The following CIBAR1 variants were observed in gnomAD, a reference collection of about 807,000 sequenced individuals.
The protein encoded by CIBAR1 is CBY1 interacting BAR domain containing 1, also known as CBY1-interacting BAR domain-containing protein 1.
CIBAR1 carries 25 observed loss-of-function variants against 44.0 expected under a neutral mutation model. The ratio of observed to expected loss-of-function variants is 0.57; its 90% CI spans 0.41 to 0.79. The LOEUF (loss-of-function observed/expected upper bound fraction) is 0.79. Among genes scored for constraint, CIBAR1 ranks in the 30% least tolerant of loss-of-function variants. CIBAR1 has a pLI of 0.00. For missense variants in CIBAR1, 278 were observed against 344.8 expected (o/e 0.81, Z 1.53); for synonymous variants, 115 against 119.0 (o/e 0.97, Z 0.22).
At position 93,704,979 on chromosome 8, in the gene CIBAR1, G is replaced by A. The variant is rs761097515; in HGVS notation, c.401G>A (p.Arg134His). ...AKQLTQLERT[R>H]QRNPSDRHVI... ...CAATTAACTCAGTTAGAAAGAACACGTCAGCGAAACCCATCTGATCGACAT... is the reference window on the plus strand; with the variant it reads ...CAATTAACTCAGTTAGAAAGAACACATCAGCGAAACCCATCTGATCGACAT... The change falls in exon 4 of 9, where the codon CGT (arginine) becomes CAT (histidine). Residue 134 changes from arginine (R) to histidine (H), a missense_variant. Around this residue, in one of 3 missense-constraint regions of CIBAR1, gnomAD observed 183 missense variants for 218.6 expected, o/e 0.84. Coordinates refer to ENST00000518322, the MANE Select transcript of CIBAR1 (RefSeq NM_145269.5). 1.4e-5 allele frequency: 22 copies of A among 1,612,884 alleles called. No homozygotes were observed. The highest frequency in any genetic ancestry group is 4.5e-5 in the East Asian group (2 of 44,828).
chr8:93,720,432 T>G (rs1811219109), intron 7 of CIBAR1, among the ~76,000 whole-genome samples: 1 of 152,214 alleles, frequency 6.6e-6, no homozygotes, highest in Non-Finnish European at 1.5e-5. Context: ...GTGTTTCTAA[T>G]GTCAAAATCT....
chr8:93,702,822 T>C (rs1399353871), intron 2 of CIBAR1, among the ~76,000 whole-genome samples: 1 of 152,152 alleles, frequency 6.6e-6, no homozygotes, highest in Non-Finnish European at 1.5e-5. Flanking sequence ...AAAAAGCCCT[T>C]TTCCTGCTAT....
intron 6 of CIBAR1, among the ~76,000 whole-genome samples, chr8:93,716,397 G>A (rs1383052409): frequency 6.6e-6 from 1 of 151,602 alleles, no homozygotes. Flanking sequence ...ATAAGTTGCA[G>A]TATTTTTAAT....
At chr8:93,726,920 A>G (rs544678703) in intron 8 of CIBAR1, among the ~76,000 whole-genome samples, 36 of 152,308 alleles carry the variant, frequency 2.4e-4, no homozygotes, top group African/African-American at 3.4e-4. Flanking sequence ...GAACACAGAA[A>G]TCATTTCATT....
In CIBAR1 at chr8:93,701,366, G is replaced by A. The variant is rs369036939; in HGVS notation, c.169G>A (p.Ala57Thr). 2 of 1,613,812 alleles carry A rather than the reference G, an allele frequency of 1.2e-6. No homozygotes were observed. The highest frequency in any genetic ancestry group is 1.7e-6 in the Non-Finnish European group (2 of 1,179,866). ...AGACCTCCTGGTGAATGAAATTAAC[G>A]CGTATGCTGCTACAGAGACCCCGCA... ...KADLLVNEIN[A>T]YAATETPHLK... is the part of the protein sequence containing the mutation. The change falls in exon 2 of 9, where the codon GCG becomes ACG. Residue 57 changes from alanine to threonine, a missense_variant. Transcript: ENST00000518322.
chr8:93,725,513 T>G (rs977070419), intron 7 of CIBAR1, among the ~76,000 whole-genome samples: 4 of 152,046 alleles, frequency 2.6e-5, no homozygotes, highest in African/African-American at 7.2e-5. Context: ...TGTAGTTTGT[T>G]GATAAATAAA....
intron 4 of CIBAR1, 165 bp downstream of exon 4, chr8:93,705,175 G>A: frequency 1.9e-6 from 1 of 535,940 alleles, no homozygotes; most frequent in Non-Finnish European, 3.3e-6. Flanking sequence ...TTTTAAAGAG[G>A]TTACGCCACC....
At chr8:93,724,634 G>A in intron 7 of CIBAR1, 2 of 1,203,436 alleles carry the variant, frequency 1.7e-6, no homozygotes, top group Non-Finnish European at 2.1e-6. Flanking sequence ...TTATAGTTTG[G>A]TCTTCTAGGT....
chr8:93,708,498 AG>A (rs1320872948), intron 5 of CIBAR1, among the ~76,000 whole-genome samples: 1 of 152,218 alleles, frequency 6.6e-6, no homozygotes, highest in East Asian at 1.9e-4. Flanking sequence ...TAATGAAAAT[AG>A]CCCCATATGG....
intron 7 of CIBAR1, chr8:93,726,133 G>A (rs1282613255): frequency 3.3e-6 from 1 of 305,542 alleles, no homozygotes; most frequent in Admixed American, 4.9e-5. Flanking sequence ...CAGTTCTCCT[G>A]GCAAAAGCAT....
chr8:93,704,317 A>AT (rs1810490938), intron 3 of CIBAR1, among the ~76,000 whole-genome samples: 1 of 152,152 alleles, frequency 6.6e-6, no homozygotes, highest in Admixed American at 6.5e-5. Flanking sequence ...AGAGAGTTCT[A>AT]TTTTTAAAAG....
intron 8 of CIBAR1, chr8:93,726,774 C>A: frequency 2.4e-6 from 1 of 415,982 alleles, no homozygotes; most frequent in Non-Finnish European, 4.4e-6. Flanking sequence ...AATGCTAATG[C>A]AGATGTGTTA....
Position 93,707,992 on chromosome 8 carries a change from C to A in CIBAR1, c.433-19C>A. On this transcript the variant is annotated intron_variant, in intron 4 of 8. Transcript: ENST00000518322. ...ATACTCTCTTTGAAATGTATTTTTT[C>A]CTTTATGAAAAATTTCAGTCACAGG... is the stretch of plus-strand genomic sequence containing the variant. The A allele has an allele frequency of 6.5e-7, 1 of 1,541,766 alleles. No homozygotes were observed. The highest frequency in any genetic ancestry group is 8.7e-7 in the Non-Finnish European group (1 of 1,143,780).
chr8:93,722,359 G>A lies in CIBAR1; in HGVS notation c.657+3571G>A, dbSNP rs571696839. Among the ~76,000 whole-genome samples, 8 of 152,258 alleles carry A rather than the reference G, an allele frequency of 5.3e-5. No homozygotes were observed. In the East Asian group the frequency reaches 7.7e-4, roughly 15 times the overall value. ...AGCTGCAGCCAGTGTTTTGTAGTTA[G>A]GCACCTCCAGTTATATCACAAACCA... On this transcript the variant is annotated intron_variant, in intron 7 of 8. Transcript: ENST00000518322.
At chr8:93,726,790 TATA>T in intron 8 of CIBAR1, 1 of 388,196 alleles carries the variant, frequency 2.6e-6, no homozygotes, top group Non-Finnish European at 4.8e-6. Flanking sequence ...TGTTATCTGC[TATA>T]ATATGAAGAG....
At chr8:93,724,526 T>C (rs1276915047) in intron 7 of CIBAR1, 4 of 946,412 alleles carry the variant, frequency 4.2e-6, no homozygotes, top group South Asian at 4.1e-5. Context: ...AGTTTCGCCA[T>C]GTTGCCCAGG....
intron 2 of CIBAR1, chr8:93,702,206 T>C: frequency 2.4e-6 from 1 of 413,734 alleles, no homozygotes; most frequent in Non-Finnish European, 4.9e-6. Flanking sequence ...ACAGAATGAG[T>C]ATAAAAAAAA....
chr8:93,708,956 C>T (rs996993837), intron 5 of CIBAR1, among the ~76,000 whole-genome samples: 2 of 152,084 alleles, frequency 1.3e-5, no homozygotes, highest in African/African-American at 4.8e-5. Context: ...GTAATCCATA[C>T]AATAGTCCTA....
At chr8:93,707,452 T>C (rs1016343795) in intron 4 of CIBAR1, among the ~76,000 whole-genome samples, 19 of 152,142 alleles carry the variant, frequency 1.2e-4, no homozygotes, top group Non-Finnish European at 4.4e-5. Context: ...AATGAAAATA[T>C]CAATAAATGA....
Sources: gnomAD v4.1 joint callset for allele counts (sites outside exome capture counted in the v4.1 genomes callset) on GRCh38, gnomAD v4.1.1 for gene constraint, gnomAD v4.1.1 regional missense constraint, MANE v1.5 for transcripts, NCBI Gene and HGNC (gene_info 2026-07-23, HGNC 2026-07-21) for gene names.